Variants in MBD5 observed in about 807,000 individuals in gnomAD.
The protein encoded by MBD5 is methyl-CpG binding domain protein 5, also known as methyl-CpG-binding domain protein 5.
In MBD5, 13 loss-of-function variants were observed where a neutral mutation model predicts 117.3. That is an observed-to-expected ratio of 0.11 (90% CI 0.07 to 0.18). MBD5 has a LOEUF of 0.18. MBD5 is among the 10% of genes least tolerant of loss of function. The pLI is 1.00. For missense variants in MBD5, 1,879 were observed against 2,093.8 expected (o/e 0.90, Z 2.00); for synonymous variants, 727 against 766.4 (o/e 0.95, Z 0.85).
chr2:148,109,078 A>G (rs1696443792), intron 1 of MBD5, among the ~76,000 whole-genome samples: 1 of 152,190 alleles, frequency 6.6e-6, no homozygotes, highest in Non-Finnish European at 1.5e-5. Context: ...GCTAATTGCA[A>G]TAGCTCCTAT....
At chr2:148,377,811 G>T (rs896303146) in intron 4 of MBD5, among the ~76,000 whole-genome samples, 1 of 152,054 alleles carries the variant, frequency 6.6e-6, no homozygotes, top group Non-Finnish European at 1.5e-5. Context: ...GGGTATCCTC[G>T]ACAATAGAAA....
chr2:148,349,448 G>A (rs1703199137), intron 4 of MBD5, among the ~76,000 whole-genome samples: 1 of 151,902 alleles, frequency 6.6e-6, no homozygotes, highest in Non-Finnish European at 1.5e-5. Flanking sequence ...TAAATTGAGT[G>A]AGATAAGTAA....
At chr2:148,488,919 T>A (rs1195380325) in intron 10 of MBD5, among the ~76,000 whole-genome samples, 7 of 152,166 alleles carry the variant, frequency 4.6e-5, no homozygotes, top group African/African-American at 7.2e-5. Context: ...TATGTTTTTT[T>A]AAAATTTTAT....
chr2:148,372,109 CT>C (rs1490721933), intron 4 of MBD5, among the ~76,000 whole-genome samples: 2 of 152,054 alleles, frequency 1.3e-5, no homozygotes, highest in African/African-American at 4.8e-5. Context: ...GTAAGAGCTG[CT>C]AGCCCATATG....
chr2:148,464,441 G>GTATC (rs1707194861), intron 7 of MBD5, among the ~76,000 whole-genome samples: 1 of 152,080 alleles, frequency 6.6e-6, no homozygotes, highest in Non-Finnish European at 1.5e-5. Flanking sequence ...AGTTCATGGA[G>GTATC]TATCCTTCAT....
intron 4 of MBD5, among the ~76,000 whole-genome samples, chr2:148,345,454 CATATACATATGTATATACACATACAT>C (rs1391337877): frequency 0.01 from 487 of 47,044 alleles, 51 homozygotes; most frequent in African/African-American, 0.031. Flanking sequence ...TACACATACA[CATATACATATGTATATACACATACAT>C]ATACATATGT....
intron 4 of MBD5, among the ~76,000 whole-genome samples, chr2:148,353,257 C>T (rs771007078): frequency 3.9e-5 from 6 of 151,928 alleles, no homozygotes; most frequent in Non-Finnish European, 8.8e-5. Flanking sequence ...GACCTTTATC[C>T]TAAGAGTGAT....
chr2:148,153,861 TC>T (rs1697770384), intron 1 of MBD5, among the ~76,000 whole-genome samples: 1 of 85,590 alleles, frequency 1.2e-5, no homozygotes, highest in East Asian at 3.4e-4. Context: ...TTCAAAGTTT[TC>T]AACTTCTTTG....
At chr2:148,064,485 A>T (rs781440106) in intron 1 of MBD5, among the ~76,000 whole-genome samples, 2 of 152,096 alleles carry the variant, frequency 1.3e-5, no homozygotes, top group African/African-American at 4.8e-5. Context: ...ACCAGATGAG[A>T]TTATCTAGAA....
At chr2:148,351,431 A>G (rs1703247733) in intron 4 of MBD5, among the ~76,000 whole-genome samples, 1 of 152,088 alleles carries the variant, frequency 6.6e-6, no homozygotes, top group African/African-American at 2.4e-5. Flanking sequence ...ACTGTACAGG[A>G]ATCAGTACAT....
At chr2:148,505,488 A>C (rs575844695) in intron 12 of MBD5, among the ~76,000 whole-genome samples, 2 of 152,344 alleles carry the variant, frequency 1.3e-5, no homozygotes, top group Admixed American at 1.3e-4. Flanking sequence ...CAGAAGTCAA[A>C]GACTGATAAA....
At chr2:148,281,266 T>C (rs549154804) in intron 3 of MBD5, among the ~76,000 whole-genome samples, 1 of 152,316 alleles carries the variant, frequency 6.6e-6, no homozygotes, top group Admixed American at 6.5e-5. Flanking sequence ...TTTTCATCTC[T>C]CTGTATCTCT....
chr2:148,060,828 T>G (rs1025228367), intron 1 of MBD5, among the ~76,000 whole-genome samples: 2 of 152,196 alleles, frequency 1.3e-5, no homozygotes, highest in African/African-American at 4.8e-5. Context: ...GAATTAGAGA[T>G]AATTCTGCTG....
At chr2:148,345,584 TATATACAC>T (rs1409883887) in intron 4 of MBD5, among the ~76,000 whole-genome samples, 1 of 75,452 alleles carries the variant, frequency 1.3e-5, no homozygotes, top group Non-Finnish European at 2.8e-5. Context: ...CATACATATG[TATATACAC>T]GTATACACAT....
chr2:148,490,367 A>G lies in MBD5; in HGVS notation c.4735A>G (p.Asn1579Asp). 6.2e-7 allele frequency: 1 copy of G among 1,614,200 alleles called. No homozygotes were observed. Among genetic ancestry groups the G allele is most frequent in the Non-Finnish European group, 8.5e-7 (1 of 1,180,034 alleles). The change falls in exon 11 of 14, where the codon AAT becomes GAT. Residue 1579 changes from asparagine (N) to aspartate (D), a missense_variant. Coordinates refer to ENST00000642680, the MANE Select transcript of MBD5 (RefSeq NM_001378120.1). Reference protein sequence around the residue: ...YNGDFNAKSVNGCVPSPSDAK... With the variant: ...YNGDFNAKSVDGCVPSPSDAK... ...TGGAGACTTTAATGCCAAAAGCGTT[A>G]ATGGGTGTGTGCCTAGCCCTTCAGA...
At chr2:148,401,626 C>A (rs2105091732) in intron 4 of MBD5, among the ~76,000 whole-genome samples, 1 of 152,182 alleles carries the variant, frequency 6.6e-6, no homozygotes, top group South Asian at 2.1e-4. Context: ...GGAAGAGTTG[C>A]AAAATTGTGC....
chr2:148,469,414 A>C lies in MBD5; in HGVS notation c.1471A>C (p.Arg491=). 6.2e-6 allele frequency: 10 copies of C among 1,613,866 alleles called. No homozygotes were observed. Among genetic ancestry groups the C allele is most frequent in the Non-Finnish European group, 7.6e-6 (9 of 1,179,898 alleles). The change falls in exon 8 of 14, where the codon AGG becomes CGG. Residue 491 remains arginine (R), a synonymous_variant. Transcript: ENST00000642680. ...ATSSGIKVPP[R]SPRSTIGSPR... is the part of the protein sequence containing the mutation. ...TTCTAGTGGTATTAAGGTTCCACCC[A>C]GGTCACCAAGGTCAACAATAGGGTC... is the stretch of plus-strand genomic sequence containing the variant.
chr2:148,327,167 A>C (rs1449608061), intron 3 of MBD5, among the ~76,000 whole-genome samples: 3 of 151,992 alleles, frequency 2.0e-5, no homozygotes, highest in Non-Finnish European at 2.9e-5. Context: ...TATTGGCCTG[A>C]ACTCTCTTCT....
intron 3 of MBD5, chr2:148,260,755 G>T (rs1205121295): frequency 6.3e-6 from 1 of 159,734 alleles, no homozygotes; most frequent in Non-Finnish European, 1.4e-5. Context: ...TTTCCAGAAG[G>T]TTTTCTATTT....
Sources: allele counts gnomAD v4.1 joint callset (sites outside exome capture counted in the v4.1 genomes callset), GRCh38; gene constraint gnomAD v4.1.1; transcripts MANE v1.5; gene names NCBI Gene and HGNC (gene_info 2026-07-23, HGNC 2026-07-21).